The following SRPK2 variants were observed in gnomAD, a reference collection of about 807,000 sequenced individuals.
SRPK2 encodes SRSF protein kinase 2.
Under a neutral mutation model 90.8 loss-of-function variants are expected in SRPK2, and 21 were observed. The observed-to-expected ratio is 0.23, with a 90% CI of 0.16 to 0.33. SRPK2 has a LOEUF of 0.33. SRPK2 is among the 10% of genes least tolerant of loss of function. SRPK2 has a pLI of 1.00. For synonymous variants in SRPK2, 288 were observed against 311.1 expected (o/e 0.93, Z 0.78); for missense variants, 620 against 869.0 (o/e 0.71, Z 3.60).
chr7:105,134,294 G>C (rs1003490319), intron 11 of SRPK2, among the ~76,000 whole-genome samples: 4 of 152,106 alleles, frequency 2.6e-5, no homozygotes, highest in Admixed American at 2.0e-4. Flanking sequence ...GTGATACTGA[G>C]TGAGTTCTCA....
upstream of SRPK2, among the ~76,000 whole-genome samples, chr7:105,391,643 C>A (rs895353664): frequency 1.3e-5 from 2 of 152,002 alleles, no homozygotes; most frequent in African/African-American, 4.8e-5. Context: ...CCACTGCACT[C>A]CAGCCTGGGC....
At position 105,146,490 on chromosome 7, in the gene SRPK2, C is replaced by T. The variant is rs1371560815; in HGVS notation, c.787+3G>A. 3 of 1,613,858 alleles carry T rather than the reference C, an allele frequency of 1.9e-6. No individual in the cohort carries two copies. Among genetic ancestry groups the T allele is most frequent in the Non-Finnish European group, 2.5e-6 (3 of 1,179,932 alleles). Reference sequence around the variant, plus strand: ...TGAAATGAAGCTGGCTCAGCTCCCTCACCTGCAGACCCTGAAGGAGGAGGA... The same window carrying T: ...TGAAATGAAGCTGGCTCAGCTCCCTTACCTGCAGACCCTGAAGGAGGAGGA... On this transcript the variant is annotated splice_donor_region_variant and intron_variant, in intron 8 of 15. Transcript: ENST00000393651.
intron 2 of SRPK2, among the ~76,000 whole-genome samples, chr7:105,331,324 A>AAAAAAC (rs1563248580): frequency 7.6e-6 from 1 of 131,436 alleles, no homozygotes; most frequent in Non-Finnish European, 1.6e-5. Flanking sequence ...AAAAAAAAAA[A>AAAAAAC]AAAAAAAAAA....
Position 105,125,782 on chromosome 7 carries a change from C to G in SRPK2, c.1915+466G>C. On this transcript the variant is annotated intron_variant, in intron 15 of 15. Transcript: ENST00000393651. ...ATTAGTGTTGCATAAATACCGTTAC[C>G]TTTTCTGGTGAAAAACTCCTTGGAG... The G allele has an allele frequency of 5.5e-6, 7 of 1,265,654 alleles. No individual in the cohort carries two copies. In the South Asian group the frequency reaches 8.9e-5, roughly 16 times the overall value. The allele number at this position is 1,265,654 out of a possible 1,614,324, so 78.4% of individuals were successfully genotyped here.
At chr7:105,134,755 A>AG (rs1337571848) in intron 11 of SRPK2, among the ~76,000 whole-genome samples, 3 of 152,178 alleles carry the variant, frequency 2.0e-5, no homozygotes, top group East Asian at 1.9e-4. Context: ...ACAGCTCCCT[A>AG]GGGGGGCTCC....
intron 2 of SRPK2, among the ~76,000 whole-genome samples, chr7:105,288,849 A>C (rs901579166): frequency 1.3e-5 from 2 of 152,138 alleles, no homozygotes; most frequent in African/African-American, 4.8e-5. Flanking sequence ...CCAAATGTCT[A>C]GACACTGACT....
chr7:105,235,742 A>G (rs544340156), intron 2 of SRPK2, among the ~76,000 whole-genome samples: 14 of 152,268 alleles, frequency 9.2e-5, no homozygotes, highest in African/African-American at 3.1e-4. Flanking sequence ...AAAAAAAACT[A>G]TTTCTACTAG....
intron 7 of SRPK2, among the ~76,000 whole-genome samples, chr7:105,148,917 T>C (rs1038850739): frequency 3.9e-5 from 6 of 152,214 alleles, no homozygotes; most frequent in African/African-American, 1.4e-4. Flanking sequence ...GTAAAAGTCA[T>C]CGCCATTCTC....
At chr7:105,232,834 G>A (rs1035163226) in intron 2 of SRPK2, among the ~76,000 whole-genome samples, 2 of 152,200 alleles carry the variant, frequency 1.3e-5, no homozygotes, top group East Asian at 3.9e-4. Context: ...CCAACATGGT[G>A]AAACCTCGTC....
At chr7:105,372,053 T>A (rs1056555345) in intron 2 of SRPK2, among the ~76,000 whole-genome samples, 1 of 144,396 alleles carries the variant, frequency 6.9e-6, no homozygotes, top group Non-Finnish European at 1.5e-5. Flanking sequence ...GAGAATGGCA[T>A]GAACCCGGAA....
At chr7:105,331,287 C>T (rs1204064) in intron 2 of SRPK2, among the ~76,000 whole-genome samples, 8,091 of 112,770 alleles carry the variant, frequency 0.072, 852 homozygotes, top group African/African-American at 0.25. Context: ...CCAGCCTGGG[C>T]GACAGAGCGA....
intron 2 of SRPK2, among the ~76,000 whole-genome samples, chr7:105,225,324 T>C (rs773191650): frequency 2.6e-5 from 4 of 152,252 alleles, no homozygotes; most frequent in Non-Finnish European, 5.9e-5. Context: ...TCAATATGTA[T>C]TGGGAGAATC....
chr7:105,165,888 T>C (rs1019796296), intron 6 of SRPK2, among the ~76,000 whole-genome samples: 2 of 152,174 alleles, frequency 1.3e-5, no homozygotes, highest in African/African-American at 2.4e-5. Flanking sequence ...ACACTCACCA[T>C]GAGGGTCTGT....
intron 2 of SRPK2, among the ~76,000 whole-genome samples, chr7:105,205,507 TCTCTCTCTCTCACACACA>T (rs1359231891): frequency 3.3e-4 from 22 of 66,612 alleles, no homozygotes; most frequent in African/African-American, 1.7e-3. Flanking sequence ...TCTCTCTCTC[TCTCTCTCTCTCACACACA>T]CACACACACA....
intron 7 of SRPK2, among the ~76,000 whole-genome samples, chr7:105,155,127 T>C (rs2237608): frequency 0.84 from 127,090 of 152,064 alleles, 53,765 homozygotes; most frequent in Non-Finnish European, 0.88. Context: ...ACTATATGTA[T>C]GTGCCACCAC....
chr7:105,259,049 G>C (rs1208608724), intron 2 of SRPK2, among the ~76,000 whole-genome samples: 1 of 152,124 alleles, frequency 6.6e-6, no homozygotes, highest in Non-Finnish European at 1.5e-5. Context: ...CAGTCAGGCA[G>C]GAAAAGGAAA....
upstream of SRPK2, among the ~76,000 whole-genome samples, chr7:105,394,267 G>A (rs1014497175): frequency 7.9e-5 from 12 of 151,556 alleles, no homozygotes; most frequent in Non-Finnish European, 1.5e-4. Flanking sequence ...CTCAGCCTCC[G>A]AAGTAGCTGG....
intron 2 of SRPK2, among the ~76,000 whole-genome samples, chr7:105,378,547 G>A (rs570811697): frequency 1.1e-4 from 16 of 152,068 alleles, no homozygotes; most frequent in Non-Finnish European, 1.5e-4. Context: ...GGCAGATCAC[G>A]AAGTCAAGAG....
intron 2 of SRPK2, among the ~76,000 whole-genome samples, chr7:105,315,033 C>G (rs1386867745): frequency 6.6e-6 from 1 of 152,124 alleles, no homozygotes; most frequent in Non-Finnish European, 1.5e-5. Flanking sequence ...TCCCAGCACT[C>G]TGGGAGGCTG....
Sources: allele counts gnomAD v4.1 joint callset (sites outside exome capture counted in the v4.1 genomes callset), GRCh38; gene constraint gnomAD v4.1.1; transcripts MANE v1.5; gene names NCBI Gene and HGNC (gene_info 2026-07-23, HGNC 2026-07-21).